GALNTL6: variants seen among roughly 807,000 people sequenced by gnomAD.
GALNTL6 encodes polypeptide N-acetylgalactosaminyltransferase-like 6.
A neutral mutation model predicts 73.7 loss-of-function variants in GALNTL6; 46 were observed. The ratio of observed to expected loss-of-function variants is 0.62; its 90% CI spans 0.49 to 0.80. The LOEUF (loss-of-function observed/expected upper bound fraction) is 0.80, where lower values mean the gene tolerates loss of function less well. Ranked by LOEUF, GALNTL6 falls within the 30% of genes least tolerant of loss-of-function variation. The pLI is 0.00. For missense variants in GALNTL6, 604 were observed against 755.0 expected (o/e 0.80, Z 2.34); for synonymous variants, 259 against 263.7 (o/e 0.98, Z 0.17).
chr4:173,009,792 G>A (rs1752464030), intron 11 of GALNTL6, among the ~76,000 whole-genome samples: 1 of 152,150 alleles, frequency 6.6e-6, no homozygotes. Context: ...GTAAGCAACA[G>A]CACCCCAACA....
chr4:172,713,214 A>G (rs1734823111), intron 5 of GALNTL6, among the ~76,000 whole-genome samples: 1 of 145,430 alleles, frequency 6.9e-6, no homozygotes, highest in Non-Finnish European at 1.5e-5. Flanking sequence ...GAACAACAAA[A>G]GAATAAGATG....
At position 172,409,747 on chromosome 4, in the gene GALNTL6, G is replaced by C. The variant is rs548393634; in HGVS notation, c.553+61058G>C. On this transcript the variant is annotated intron_variant, in intron 5 of 12. Transcript: ENST00000506823. ...CTAAAACAATAATTAACAATTTTTG[G>C]ATATAATTAAAGCAATTACTGTATA... Among the ~76,000 whole-genome samples, 2 of 151,884 alleles carry C rather than the reference G, an allele frequency of 1.3e-5. 1 individual carries two copies. The highest frequency in any genetic ancestry group is 2.9e-5 in the Non-Finnish European group (2 of 67,878).
chr4:172,665,533 C>T (rs184484197), intron 5 of GALNTL6, among the ~76,000 whole-genome samples: 1 of 152,156 alleles, frequency 6.6e-6, no homozygotes, highest in Non-Finnish European at 1.5e-5. Flanking sequence ...GCTACCACAC[C>T]TGCAGTCCCA....
chr4:172,282,743 C>T (rs748940334), intron 3 of GALNTL6, among the ~76,000 whole-genome samples: 1 of 150,458 alleles, frequency 6.6e-6, no homozygotes, highest in Non-Finnish European at 1.5e-5. Flanking sequence ...AGGGTGATGG[C>T]GATGGAACTG....
At chr4:172,752,671 G>A (rs902262075) in intron 5 of GALNTL6, among the ~76,000 whole-genome samples, 1 of 151,942 alleles carries the variant, frequency 6.6e-6, no homozygotes, top group Non-Finnish European at 1.5e-5. Context: ...AGTCCCAGAA[G>A]TGGAATAACT....
At chr4:172,770,790 T>A (rs372248995) in intron 5 of GALNTL6, among the ~76,000 whole-genome samples, 4 of 152,350 alleles carry the variant, frequency 2.6e-5, no homozygotes, top group African/African-American at 9.6e-5. Context: ...GTAAAACTAT[T>A]GATCTTGTTC....
intron 5 of GALNTL6, among the ~76,000 whole-genome samples, chr4:172,529,257 T>C (rs1308570527): frequency 6.6e-6 from 1 of 151,892 alleles, no homozygotes; most frequent in East Asian, 1.9e-4. Context: ...GAAAGATTTT[T>C]TTTAAAAACT....
At position 172,389,772 on chromosome 4, in the gene GALNTL6, A is replaced by T. The variant is rs73868992; in HGVS notation, c.553+41083A>T. Among the ~76,000 whole-genome samples the T allele has an allele frequency of 8.8e-3, 1,334 of 152,294 alleles. 22 individuals carry two copies. The highest frequency in any genetic ancestry group is 0.031 in the African/African-American group (1,272 of 41,574). ...TGACAAACCCAGATGGTGGATACAT[A>T]GCTTTTTATATGCTTAATATTTTCT... On this transcript the variant is annotated intron_variant, in intron 5 of 12. Transcript: ENST00000506823.
At chr4:172,219,199 G>GTATATATATATATATATATA (rs34783084) in intron 2 of GALNTL6, among the ~76,000 whole-genome samples, 5,100 of 114,926 alleles carry the variant, frequency 0.044, 235 homozygotes, top group Admixed American at 0.069. Flanking sequence ...TTAAGCAAGT[G>GTATATATATATATATATATA]TATATATATA....
intron 2 of GALNTL6, among the ~76,000 whole-genome samples, chr4:171,942,289 A>G (rs184182678): frequency 6.6e-6 from 1 of 151,820 alleles, no homozygotes; most frequent in Admixed American, 6.6e-5. Context: ...AACTGTAAAG[A>G]CAGAGAAAAA....
intron 2 of GALNTL6, among the ~76,000 whole-genome samples, chr4:171,944,227 T>G (rs1738636518): frequency 1.3e-5 from 2 of 152,046 alleles, no homozygotes; most frequent in Admixed American, 6.6e-5. Context: ...GACTTGTAAT[T>G]TTAATACCTT....
chr4:172,004,095 G>C (rs1740756617), intron 2 of GALNTL6, among the ~76,000 whole-genome samples: 1 of 152,128 alleles, frequency 6.6e-6, no homozygotes, highest in Non-Finnish European at 1.5e-5. Flanking sequence ...ATATTCATAA[G>C]TGGACAACTT....
At chr4:171,877,460 GA>G (rs1277208134) in intron 2 of GALNTL6, among the ~76,000 whole-genome samples, 1 of 152,150 alleles carries the variant, frequency 6.6e-6, no homozygotes, top group Non-Finnish European at 1.5e-5. Context: ...ATGAATCCGA[GA>G]TCATGACAGG....
At chr4:172,309,523 C>T (rs1003470983) in intron 3 of GALNTL6, among the ~76,000 whole-genome samples, 10 of 151,966 alleles carry the variant, frequency 6.6e-5, no homozygotes, top group African/African-American at 2.2e-4. Flanking sequence ...GACACTCAAG[C>T]ACATACACAC....
chr4:172,254,108 T>C lies in GALNTL6; in HGVS notation c.247+24344T>C, dbSNP rs2111021194. Reference sequence around the variant, plus strand: ...ACTACTACTGATAGTGTAGAGTTTTTGATAAGAAATCAACATTCTGCTAAA... The same window carrying C: ...ACTACTACTGATAGTGTAGAGTTTTCGATAAGAAATCAACATTCTGCTAAA... On this transcript the variant is annotated intron_variant, in intron 3 of 12. Coordinates refer to ENST00000506823, the MANE Select transcript of GALNTL6 (RefSeq NM_001034845.3). 2.6e-5 allele frequency among the ~76,000 whole-genome samples: 4 copies of C among 151,942 alleles called. No homozygotes were observed. In the Middle Eastern group the frequency reaches 0.014, roughly 517 times the overall value.
chr4:172,266,338 A>G (rs779299962), intron 3 of GALNTL6: 2 of 152,024 alleles, frequency 1.3e-5, no homozygotes, highest in African/African-American at 2.4e-5. Context: ...CATTTGGGAG[A>G]TTTGCCCTGA....
At chr4:172,914,924 A>C (rs1286324664) in intron 8 of GALNTL6, among the ~76,000 whole-genome samples, 1 of 152,196 alleles carries the variant, frequency 6.6e-6, no homozygotes, top group Non-Finnish European at 1.5e-5. Flanking sequence ...AGAACTCTCC[A>C]CCCCAAATCA....
intron 5 of GALNTL6, among the ~76,000 whole-genome samples, chr4:172,349,731 A>G (rs1195395935): frequency 6.6e-6 from 1 of 151,924 alleles, no homozygotes; most frequent in Non-Finnish European, 1.5e-5. Flanking sequence ...GTTGTTTGAC[A>G]CTACACTATT....
At chr4:172,382,861 G>A (rs137946254) in intron 5 of GALNTL6, among the ~76,000 whole-genome samples, 4 of 151,574 alleles carry the variant, frequency 2.6e-5, no homozygotes, top group African/African-American at 7.2e-5. Context: ...GGTTGAAAAG[G>A]CAATTGTGAA....
Sources: allele counts gnomAD v4.1 joint callset (sites outside exome capture counted in the v4.1 genomes callset), GRCh38; gene constraint gnomAD v4.1.1; transcripts MANE v1.5; gene names NCBI Gene and HGNC (gene_info 2026-07-23, HGNC 2026-07-21).